LTBP1: variants seen among roughly 807,000 people sequenced by gnomAD.
LTBP1 encodes latent transforming growth factor beta binding protein 1.
A neutral mutation model predicts 207.6 loss-of-function variants in LTBP1; 129 were observed. That is an observed-to-expected ratio of 0.62 (90% CI 0.54 to 0.72). LTBP1 has a LOEUF of 0.72. Among genes scored for constraint, LTBP1 ranks in the 30% least tolerant of loss-of-function variants. The pLI, the probability that LTBP1 is intolerant of heterozygous loss-of-function variation, is 0.00. For synonymous variants in LTBP1, 963 were observed against 833.7 expected, an observed-to-expected ratio of 1.16 and a Z score of -2.67; for missense variants, 2,281 against 2,217.2, an observed-to-expected ratio of 1.03 and a Z score of -0.58.
intron 6 of LTBP1, 51 bp from the exon 7 acceptor site, chr2:33,188,516 AACTTTTGATT>A: frequency 7.2e-7 from 1 of 1,396,754 alleles, no homozygotes; most frequent in Non-Finnish European, 9.8e-7. Flanking sequence ...CATGTTTTAA[AACTTTTGATT>A]TGCCTGTTAG....
At chr2:33,048,538 GA>G (rs985056393) in intron 3 of LTBP1, among the ~76,000 whole-genome samples, 3 of 151,748 alleles carry the variant, frequency 2.0e-5, no homozygotes, top group East Asian at 1.9e-4. Flanking sequence ...GCTGCAAGAA[GA>G]AAAAAAAGAA....
At chr2:33,239,829 G>C (rs900601127) in intron 9 of LTBP1, among the ~76,000 whole-genome samples, 9 of 151,832 alleles carry the variant, frequency 5.9e-5, no homozygotes, top group African/African-American at 2.2e-4. Flanking sequence ...GCTTGAACCT[G>C]GGAGGCGAAG....
intron 3 of LTBP1, among the ~76,000 whole-genome samples, chr2:33,076,496 T>A (rs2078086113): frequency 6.6e-6 from 1 of 152,060 alleles, no homozygotes; most frequent in South Asian, 2.1e-4. Context: ...CTAATGACTG[T>A]TAGCGAGGGA....
chr2:33,020,407 C>T (rs915495032), intron 2 of LTBP1, among the ~76,000 whole-genome samples: 2 of 151,984 alleles, frequency 1.3e-5, no homozygotes, highest in African/African-American at 2.4e-5. Flanking sequence ...TTAAGTTAAG[C>T]GTATATTTAA....
intron 7 of LTBP1, among the ~76,000 whole-genome samples, chr2:33,210,971 A>G (rs997882804): frequency 2.0e-5 from 3 of 151,976 alleles, no homozygotes; most frequent in Non-Finnish European, 4.4e-5. Flanking sequence ...ATTTTTTGAA[A>G]CCTGTATCAC....
intron 31 of LTBP1, among the ~76,000 whole-genome samples, chr2:33,386,056 G>T (rs2095263111): frequency 6.6e-6 from 1 of 152,164 alleles, no homozygotes; most frequent in Admixed American, 6.5e-5. Flanking sequence ...ACCCTCCACT[G>T]CCCGCTTCCC....
intron 2 of LTBP1, among the ~76,000 whole-genome samples, chr2:32,955,483 T>G (rs1295414106): frequency 6.6e-6 from 1 of 151,978 alleles, no homozygotes; most frequent in African/African-American, 2.4e-5. Flanking sequence ...CTTCCACTAA[T>G]TTTTTTTAAT....
At chr2:33,277,884 C>T (rs1558934359) in intron 18 of LTBP1, among the ~76,000 whole-genome samples, 1 of 140,110 alleles carries the variant, frequency 7.1e-6, no homozygotes, top group African/African-American at 2.7e-5. Context: ...GGCTGGAGTG[C>T]AGTGGTGCGA....
chr2:33,048,838 C>T (rs564754004), intron 3 of LTBP1, among the ~76,000 whole-genome samples: 118 of 152,208 alleles, frequency 7.8e-4, no homozygotes, highest in African/African-American at 2.7e-3. Flanking sequence ...CTGATAATCT[C>T]TAATACCACA....
chr2:33,273,873 A>G (rs2093370348), intron 16 of LTBP1, 92 bp downstream of exon 16: 2 of 1,205,070 alleles, frequency 1.7e-6, no homozygotes, highest in Non-Finnish European at 2.2e-6. Flanking sequence ...CCATTTTGGG[A>G]AAGTGTTACT....
chr2:33,140,673 T>A (rs1433221750), intron 5 of LTBP1, among the ~76,000 whole-genome samples: 3 of 150,526 alleles, frequency 2.0e-5, no homozygotes, highest in African/African-American at 2.4e-5. Flanking sequence ...TAATTAATTT[T>A]TTTTTTTTTT....
intron 3 of LTBP1, among the ~76,000 whole-genome samples, chr2:33,071,464 C>T (rs1411933955): frequency 6.6e-6 from 1 of 152,180 alleles, no homozygotes; most frequent in African/African-American, 2.4e-5. Context: ...TCTGGACTAC[C>T]AGGCAGTGGG....
chr2:33,168,576 G>A (rs980776160), intron 5 of LTBP1, among the ~76,000 whole-genome samples: 1 of 151,982 alleles, frequency 6.6e-6, no homozygotes, highest in Non-Finnish European at 1.5e-5. Context: ...TTGGGATTGT[G>A]TACCCACCAG....
intron 5 of LTBP1, among the ~76,000 whole-genome samples, chr2:33,171,227 T>A (rs1222597253): frequency 1.8e-5 from 2 of 114,152 alleles, no homozygotes; most frequent in Admixed American, 9.1e-5. Context: ...AGGAGGAAAT[T>A]GAAACCAAAG....
intron 24 of LTBP1, among the ~76,000 whole-genome samples, chr2:33,332,121 A>C (rs1003892840): frequency 1.3e-5 from 2 of 152,062 alleles, no homozygotes; most frequent in Admixed American, 1.3e-4. Flanking sequence ...GTTGTATTTC[A>C]CTCAAATGTT....
At chr2:33,146,471 G>C (rs1174091832) in intron 5 of LTBP1, among the ~76,000 whole-genome samples, 1 of 152,198 alleles carries the variant, frequency 6.6e-6, no homozygotes, top group Non-Finnish European at 1.5e-5. Context: ...AGCCTGTCTT[G>C]CTTTGCATGT....
intron 3 of LTBP1, among the ~76,000 whole-genome samples, chr2:33,062,157 T>C (rs184741606): frequency 6.6e-6 from 1 of 152,328 alleles, no homozygotes; most frequent in Admixed American, 6.5e-5. Context: ...ATCAGCTTTT[T>C]TTTCTTAATG....
chr2:33,251,263 C>T (rs1489092269), intron 10 of LTBP1, among the ~76,000 whole-genome samples: 1 of 152,136 alleles, frequency 6.6e-6, no homozygotes, highest in Admixed American at 6.6e-5. Flanking sequence ...CTGAAGAAAT[C>T]TTATGGAGAC....
In LTBP1 at chr2:33,358,133, G is replaced by A. The variant is rs192092407; in HGVS notation, c.4001-2464G>A. Among the ~76,000 whole-genome samples the A allele has an allele frequency of 2.0e-5, 3 of 151,766 alleles. No individual in the cohort carries two copies. In the East Asian group the frequency reaches 5.8e-4, roughly 29 times the overall value. ...TAATTTGCATTTCTTTCCAAACAGG[G>A]TAAGTCAAGATGAGGGCTTGACTAA... On this transcript the variant is annotated intron_variant, in intron 26 of 33. Transcript: ENST00000404816.
Sources: allele counts gnomAD v4.1 joint callset (sites outside exome capture counted in the v4.1 genomes callset), GRCh38; gene constraint gnomAD v4.1.1; transcripts MANE v1.5; gene names NCBI Gene and HGNC (gene_info 2026-07-23, HGNC 2026-07-21).